The following TGM5 variants were observed in gnomAD, a reference collection of about 807,000 sequenced individuals.
TGM5 encodes the protein protein-glutamine gamma-glutamyltransferase 5.
TGM5 carries 69 observed loss-of-function variants against 77.2 expected under a neutral mutation model. The ratio of observed to expected loss-of-function variants is 0.89; its 90% CI spans 0.74 to 1.09. The LOEUF (loss-of-function observed/expected upper bound fraction) is 1.09, where lower values mean the gene tolerates loss of function less well. TGM5 is among the 50% of genes least tolerant of loss of function. TGM5 has a pLI of 0.00. For missense variants in TGM5, 842 were observed against 896.5 expected (o/e 0.94, Z 0.78); for synonymous variants, 346 against 351.8 (o/e 0.98, Z 0.18).
chr15:43,246,237 T>A (rs1396185741), intron 6 of TGM5, among the ~76,000 whole-genome samples: 2 of 152,088 alleles, frequency 1.3e-5, no homozygotes, highest in Admixed American at 6.5e-5. Flanking sequence ...AATTAAAGGA[T>A]CTCTTTGATA....
intron 6 of TGM5, among the ~76,000 whole-genome samples, chr15:43,251,337 C>T (rs894908447): frequency 6.6e-6 from 1 of 151,214 alleles, no homozygotes; most frequent in Non-Finnish European, 1.5e-5. Flanking sequence ...GTGGCAACAC[C>T]TCCTCGTGCC....
chr15:43,266,747 T>C (rs2042827052), intron 1 of TGM5, 93 bp downstream of exon 1: 1 of 1,510,556 alleles, frequency 6.6e-7, no homozygotes, highest in Non-Finnish European at 9.2e-7. Flanking sequence ...ACTTCTTTAT[T>C]TCTCTGAATC....
At chr15:43,233,440 C>T in intron 12 of TGM5, 96 bp from the exon 13 acceptor site, 2 of 1,611,222 alleles carry the variant, frequency 1.2e-6, no homozygotes, top group Non-Finnish European at 8.5e-7. Flanking sequence ...GGGAGTGCTT[C>T]CACTTTCCCT....
At chr15:43,238,726 G>C (rs1184456348) in intron 9 of TGM5, 91 bp downstream of exon 9, 6 of 1,553,936 alleles carry the variant, frequency 3.9e-6, no homozygotes, top group Non-Finnish European at 5.2e-6. Context: ...GTGGGGCTGG[G>C]TCCTGCCTCG....
intron 1 of TGM5, among the ~76,000 whole-genome samples, chr15:43,261,072 GTGTGTT>G (rs2042783715): frequency 1.7e-4 from 9 of 53,870 alleles, no homozygotes; most frequent in African/African-American, 4.6e-4. Flanking sequence ...TTTTTTGTGT[GTGTGTT>G]TTTTTTTTTT....
rs750526737 is a variant in TGM5, at chr15:43,256,551, G to A, written c.555+17C>T. ...AGCTCGGGGCCGGGATGGGCCATAA[G>A]CAGGGCTGAGACTCACCTGTCCATA... On this transcript the variant is annotated intron_variant, in intron 4 of 12. Transcript: ENST00000220420. 3.8e-6 allele frequency: 6 copies of A among 1,599,974 alleles called. No homozygotes were observed. The highest frequency in any genetic ancestry group is 4.3e-6 in the Non-Finnish European group (5 of 1,167,074).
intron 9 of TGM5, 93 bp downstream of exon 9, chr15:43,238,724 G>C: frequency 6.5e-7 from 1 of 1,549,402 alleles, no homozygotes; most frequent in South Asian, 1.2e-5. Context: ...CAGTGGGGCT[G>C]GGTCCTGCCT....
At chr15:43,235,991 G>C (rs1395306035) in intron 9 of TGM5, among the ~76,000 whole-genome samples, 154 bp from the exon 10 acceptor site, 4 of 152,122 alleles carry the variant, frequency 2.6e-5, no homozygotes, top group African/African-American at 9.7e-5. Context: ...TGCTTTCCCA[G>C]GCAGGCTCTG....
chr15:43,252,209 C>T (rs543804618), intron 6 of TGM5, among the ~76,000 whole-genome samples: 258 of 152,340 alleles, frequency 1.7e-3, no homozygotes, highest in African/African-American at 5.8e-3. Context: ...TAAGCTTAGA[C>T]GAAGCAAGGG....
intron 1 of TGM5, among the ~76,000 whole-genome samples, chr15:43,261,048 T>G (rs2042782179): frequency 6.8e-6 from 1 of 146,128 alleles, no homozygotes; most frequent in Admixed American, 6.8e-5. Context: ...CTCCTTGGGC[T>G]AGCTGCTCTT....
intron 6 of TGM5, chr15:43,247,669 TG>T (rs1301439082): frequency 1.3e-5 from 2 of 150,116 alleles, no homozygotes; most frequent in African/African-American, 2.4e-5. Flanking sequence ...CTTCTAAAGA[TG>T]AAAAATACAC....
intron 11 of TGM5, among the ~76,000 whole-genome samples, chr15:43,233,971 C>T (rs754587474): frequency 7.2e-5 from 11 of 152,124 alleles, no homozygotes; most frequent in Non-Finnish European, 1.3e-4. Context: ...GCCTTCAGAC[C>T]TTTACGAGCC....
intron 6 of TGM5, among the ~76,000 whole-genome samples, chr15:43,242,683 G>A (rs2042644950): frequency 6.6e-6 from 1 of 152,258 alleles, no homozygotes; most frequent in Non-Finnish European, 1.5e-5. Flanking sequence ...AGAAAAGGGA[G>A]GGGAGAAGCC....
intron 4 of TGM5, among the ~76,000 whole-genome samples, chr15:43,254,875 CT>C (rs1034591437): frequency 2.0e-5 from 3 of 152,290 alleles, no homozygotes; most frequent in East Asian, 3.9e-4. Context: ...CACTCTGCCC[CT>C]GTCTCTCAAT....
chr15:43,259,428 G>A (rs1287197485), intron 3 of TGM5, among the ~76,000 whole-genome samples: 2 of 150,810 alleles, frequency 1.3e-5, no homozygotes, highest in African/African-American at 4.9e-5. Context: ...ATAGGAAAAT[G>A]TGCCCAAAGT....
intron 7 of TGM5, 83 bp from the exon 8 acceptor site, chr15:43,239,349 T>C (rs2042617363): frequency 3.5e-6 from 5 of 1,416,186 alleles, no homozygotes; most frequent in Admixed American, 3.4e-5. Context: ...AAATGAACTG[T>C]TGGATAGAAA....
Position 43,235,601 on chromosome 15 carries a change from G to C in TGM5, c.1582C>G (p.Leu528Val). 6.2e-7 allele frequency: 1 copy of C among 1,614,212 alleles called. No homozygotes were observed. The highest frequency in any genetic ancestry group is 8.5e-7 in the Non-Finnish European group (1 of 1,180,044). ...NMGQDICFVL[L>V]ALNMSSQFKD... ...AACTGGGAGGACATGTTGAGGGCCA[G>C]CAGGACAAAGCATATATCCTGGCCC... The change falls in exon 10 of 13, where the codon CTG (leucine) becomes GTG (valine). Residue 528 changes from leucine to valine, a missense_variant. Physicochemically the swap from Leu to Val is conservative, Grantham distance 32 (BLOSUM62 1). Around this residue, in one of 2 missense-constraint regions of TGM5, gnomAD observed 815 missense variants for 844.6 expected, o/e 0.96. Coordinates refer to ENST00000220420, the MANE Select transcript of TGM5 (RefSeq NM_201631.4).
rs925754222 is a variant in TGM5 at position 43,232,744 on chromosome 15, C to T, written c.*447G>A. On this transcript the variant is annotated 3_prime_UTR_variant, in exon 13 of 13. Transcript: ENST00000220420. ...GCCAAGTCCTACCAGTATCCTCTGA[C>T]CTCTGTGCCAAATCACGCTTCTGGA... 1 of 198,908 alleles carries T rather than the reference C, an allele frequency of 5.0e-6. No homozygotes were observed. The highest frequency in any genetic ancestry group is 1.0e-5 in the Non-Finnish European group (1 of 96,420). The allele number at this position is 198,908 out of a possible 1,614,324, so 12.3% of individuals were successfully genotyped here.
At chr15:43,261,096 T>G (rs1432876551) in intron 1 of TGM5, among the ~76,000 whole-genome samples, 8 of 131,384 alleles carry the variant, frequency 6.1e-5, no homozygotes, top group African/African-American at 1.5e-4. Context: ...TTTTTTTTTT[T>G]TTTTTTTTTT....
Sources: allele counts gnomAD v4.1 joint callset (sites outside exome capture counted in the v4.1 genomes callset), GRCh38; gene constraint gnomAD v4.1.1; regional missense constraint gnomAD v4.1.1; transcripts MANE v1.5; gene names NCBI Gene and HGNC (gene_info 2026-07-23, HGNC 2026-07-21).